Variants in MDFIC observed in about 807,000 individuals in gnomAD.
The protein encoded by MDFIC is MyoD family inhibitor domain containing, also known as myoD family inhibitor domain-containing protein.
MDFIC carries 17 observed loss-of-function variants against 23.2 expected under a neutral mutation model. The ratio of observed to expected loss-of-function variants is 0.73; its 90% CI spans 0.50 to 1.10. The LOEUF is 1.10. Ranked by LOEUF, MDFIC falls within the 50% of genes least tolerant of loss-of-function variation. The pLI is 0.00. For synonymous variants in MDFIC, 120 were observed against 115.2 expected, an observed-to-expected ratio of 1.04 and a Z score of -0.27; for missense variants, 356 against 316.6, an observed-to-expected ratio of 1.12 and a Z score of -0.95.
chr7:114,961,896 C>T (rs1235066253), intron 3 of MDFIC, among the ~76,000 whole-genome samples: 1 of 152,160 alleles, frequency 6.6e-6, no homozygotes, highest in Non-Finnish European at 1.5e-5. Context: ...AACCATGTCA[C>T]TCCTGCAGGT....
At chr7:115,009,254 G>T (rs2116123636) in intron 4 of MDFIC, among the ~76,000 whole-genome samples, 1 of 152,318 alleles carries the variant, frequency 6.6e-6, no homozygotes, top group South Asian at 2.1e-4. Flanking sequence ...AATGGGTTGT[G>T]AGTTATTCTC....
chr7:115,015,317 A>G (rs2116154271), intron 4 of MDFIC, among the ~76,000 whole-genome samples: 1 of 152,312 alleles, frequency 6.6e-6, no homozygotes, highest in Non-Finnish European at 1.5e-5. Flanking sequence ...TTTAATAACT[A>G]TAATGCAGTT....
chr7:114,992,048 C>T (rs1270317819), intron 4 of MDFIC, among the ~76,000 whole-genome samples: 3 of 152,112 alleles, frequency 2.0e-5, no homozygotes, highest in Non-Finnish European at 4.4e-5. Context: ...TGTAGTTCTC[C>T]TTGAAGAAGT....
intron 3 of MDFIC, among the ~76,000 whole-genome samples, chr7:114,964,931 G>A (rs1385473933): frequency 3.3e-5 from 5 of 152,136 alleles, no homozygotes; most frequent in Admixed American, 3.3e-4. Context: ...GCTTCCATGT[G>A]TCATTTAATA....
chr7:114,986,616 C>A (rs1256787174), intron 4 of MDFIC, among the ~76,000 whole-genome samples: 1 of 152,180 alleles, frequency 6.6e-6, no homozygotes, highest in Admixed American at 6.5e-5. Context: ...TGTCTGTACA[C>A]ATGGTCAGGT....
intron 4 of MDFIC, among the ~76,000 whole-genome samples, chr7:115,010,499 T>A (rs1183080755): frequency 6.6e-6 from 1 of 152,170 alleles, no homozygotes; most frequent in Non-Finnish European, 1.5e-5. Context: ...TTTCTCTATT[T>A]AAAAAAATAC....
At chr7:114,972,328 A>G (rs1242670126) in intron 3 of MDFIC, among the ~76,000 whole-genome samples, 1 of 152,106 alleles carries the variant, frequency 6.6e-6, no homozygotes, top group Non-Finnish European at 1.5e-5. Flanking sequence ...AAGGTGATCA[A>G]CTCATCCCAG....
chr7:114,968,668 T>G (rs2115902840), intron 3 of MDFIC, among the ~76,000 whole-genome samples: 1 of 152,314 alleles, frequency 6.6e-6, no homozygotes, highest in African/African-American at 2.4e-5. Flanking sequence ...GGTTCATCTA[T>G]AATGAGAACT....
chr7:114,969,950 A>C (rs1275968968), intron 3 of MDFIC, among the ~76,000 whole-genome samples: 1 of 152,202 alleles, frequency 6.6e-6, no homozygotes, highest in Non-Finnish European at 1.5e-5. Flanking sequence ...ATGATCCTGC[A>C]ACATGTGGCT....
intron 4 of MDFIC, among the ~76,000 whole-genome samples, chr7:115,012,814 C>T (rs952166445): frequency 6.6e-6 from 1 of 151,890 alleles, no homozygotes; most frequent in Non-Finnish European, 1.5e-5. Context: ...CTCATCTCTA[C>T]TAAAAATACA....
rs1054393032 is a variant in MDFIC, at chr7:114,996,864, A to G, written c.493+17083A>G. ...AGATAAAGTGCAAAAGTACTCCAAA[A>G]ACTAAGCCCTGGGCCATTATGCCAC... is the stretch of plus-strand genomic sequence containing the variant. On this transcript the variant is annotated intron_variant, in intron 4 of 4. Transcript: ENST00000393486. Among the ~76,000 whole-genome samples the G allele has an allele frequency of 2.0e-5, 3 of 152,220 alleles. No individual in the cohort carries two copies. The East Asian group carries it at 5.8e-4, about 29-fold the overall frequency.
chr7:114,934,453 A>G (rs936603563), intron 2 of MDFIC, among the ~76,000 whole-genome samples: 5 of 152,156 alleles, frequency 3.3e-5, no homozygotes, highest in African/African-American at 1.2e-4. Context: ...TTTATACTCA[A>G]TTGGATTTTC....
chr7:114,976,792 G>A (rs1057271697), intron 3 of MDFIC, among the ~76,000 whole-genome samples: 11 of 151,950 alleles, frequency 7.2e-5, no homozygotes, highest in Admixed American at 5.9e-4. Flanking sequence ...ACAATACATA[G>A]GATGTATGAA....
intron 1 of MDFIC, 32 bp downstream of exon 1, chr7:114,922,668 G>A (rs2115654578): frequency 5.3e-6 from 7 of 1,323,804 alleles, no homozygotes; most frequent in Non-Finnish European, 6.8e-6. Context: ...GGGAAGAGGA[G>A]GGGTTTGATC....
chr7:114,969,985 C>T (rs1001828445), intron 3 of MDFIC, among the ~76,000 whole-genome samples: 6 of 152,168 alleles, frequency 3.9e-5, no homozygotes, highest in Non-Finnish European at 7.4e-5. Context: ...ATAGGCAGAA[C>T]GTAGGATAGC....
intron 4 of MDFIC, chr7:114,980,094 G>A: frequency 2.8e-6 from 1 of 361,554 alleles, no homozygotes. Flanking sequence ...ATACATGAGT[G>A]TGTGTGTGTA....
At chr7:114,975,479 A>G (rs1279013432) in intron 3 of MDFIC, among the ~76,000 whole-genome samples, 1 of 152,078 alleles carries the variant, frequency 6.6e-6, no homozygotes, top group African/African-American at 2.4e-5. Context: ...GAATGAGAGC[A>G]GTGGATCATT....
At chr7:114,938,604 A>T (rs2115742993) in intron 2 of MDFIC, among the ~76,000 whole-genome samples, 1 of 152,286 alleles carries the variant, frequency 6.6e-6, no homozygotes, top group East Asian at 1.9e-4. Flanking sequence ...CCCTGAGCCA[A>T]AGTAGAGGAC....
intron 3 of MDFIC, among the ~76,000 whole-genome samples, chr7:114,966,459 A>C (rs934038624): frequency 1.3e-5 from 2 of 151,676 alleles, no homozygotes; most frequent in Non-Finnish European, 2.9e-5. Context: ...GTCATTTTAT[A>C]TGGTTATTTT....
Sources: gnomAD v4.1 joint callset for allele counts (sites outside exome capture counted in the v4.1 genomes callset) on GRCh38, gnomAD v4.1.1 for gene constraint, MANE v1.5 for transcripts, NCBI Gene and HGNC (gene_info 2026-07-23, HGNC 2026-07-21) for gene names.